The following PLIN4 variants were observed in gnomAD, a reference collection of about 807,000 sequenced individuals.
The protein encoded by PLIN4 is perilipin 4.
Under a neutral mutation model 52.4 loss-of-function variants are expected in PLIN4, and 57 were observed. The ratio of observed to expected loss-of-function variants is 1.09; its 90% CI spans 0.88 to 1.36. PLIN4 has a LOEUF of 1.36. Among genes scored for constraint, PLIN4 ranks in the 40% most tolerant of loss-of-function variants. The probability of loss-of-function intolerance (pLI) is 0.00; values close to 1 mark genes in which losing one functional copy is unlikely to be tolerated. For missense variants in PLIN4, 1,757 were observed against 1,770.3 expected, an observed-to-expected ratio of 0.99 and a Z score of 0.13; for synonymous variants, 826 against 785.4, an observed-to-expected ratio of 1.05 and a Z score of -0.86.
rs1398134037 is a variant in PLIN4 at position 4,502,932 on chromosome 19, G to A, written c.*1527C>T. The A allele has an allele frequency of 2.6e-5, 4 of 152,346 alleles. No homozygotes were observed. Among genetic ancestry groups the A allele is most frequent in the Non-Finnish European group, 5.9e-5 (4 of 68,164 alleles). 9.4% of individuals were successfully genotyped at this position (152,346 alleles called of 1,614,324 possible). A position where few individuals can be genotyped will look rare whatever the true frequency, so the allele number is the denominator to read the frequency against. On this transcript the variant is annotated 3_prime_UTR_variant, in exon 8 of 8. Transcript: ENST00000301286. Reference sequence around the variant, plus strand: ...TTCCTGAGCTGCGGCCCCATGCTTGGTTGGCTGGACGTGAGCTGCAGTCAC... The same window carrying A: ...TTCCTGAGCTGCGGCCCCATGCTTGATTGGCTGGACGTGAGCTGCAGTCAC...
intron 4 of PLIN4, among the ~76,000 whole-genome samples, chr19:4,514,397 A>G (rs1194194831): frequency 2.0e-5 from 3 of 152,190 alleles, no homozygotes; most frequent in African/African-American, 7.2e-5. Flanking sequence ...ATAGTGAGAT[A>G]TGATCGTACC....
At position 4,512,413 on chromosome 19, in the gene PLIN4, G is replaced by T; in HGVS notation, c.1547C>A (p.Thr516Asn). 1.2e-6 allele frequency: 2 copies of T among 1,609,036 alleles called. No homozygotes were observed. The highest frequency in any genetic ancestry group is 1.7e-6 in the Non-Finnish European group (2 of 1,177,886). ...GGTGGTGTCTACGCCGGTCTGGACGGTCCCTTTGGCCACGTTCACAGCCCC... is the reference window on the plus strand; with the variant it reads ...GGTGGTGTCTACGCCGGTCTGGACGTTCCCTTTGGCCACGTTCACAGCCCC... ...LTGAVNVAKGTVQTGVDTTKT... is the reference protein window; with the variant it reads ...LTGAVNVAKGNVQTGVDTTKT... The change falls in exon 5 of 8, where the codon ACC (threonine) becomes AAC (asparagine). Residue 516 changes from threonine to asparagine, a missense_variant. This residue lies in a region of PLIN4 where 439 missense variants were observed against 406.4 expected (regional missense o/e 1.08). Transcript: ENST00000301286.
intron 6 of PLIN4, among the ~76,000 whole-genome samples, chr19:4,507,400 C>T (rs958124701): frequency 3.9e-5 from 6 of 152,188 alleles, no homozygotes; most frequent in East Asian, 1.9e-4. Flanking sequence ...AGGGAGGCCC[C>T]ATCTCTACAA....
In PLIN4 at chr19:4,512,879, T is replaced by C. The variant is rs761273420; in HGVS notation, c.1081A>G (p.Thr361Ala). The change falls in exon 5 of 8, where the codon ACT becomes GCT. Residue 361 changes from threonine to alanine, a missense_variant. By Grantham distance (58) the Thr-to-Ala change is moderately conservative. Coordinates refer to ENST00000301286, the MANE Select transcript of PLIN4 (RefSeq NM_001367868.2). ...TIQTGVDTTK[T>A]VLTGTKNTVC... Reference sequence around the variant, plus strand: ...GTGTTCTTGGTGCCAGTTAGGACAGTCTTGGTGGTGTCCACGCCGGTCTGG... The same window carrying C: ...GTGTTCTTGGTGCCAGTTAGGACAGCCTTGGTGGTGTCCACGCCGGTCTGG... The C allele has an allele frequency of 7.6e-6, 12 of 1,570,478 alleles. 1 individual carries two copies. The highest frequency in any genetic ancestry group is 1.0e-5 in the Non-Finnish European group (12 of 1,170,598).
chr19:4,504,438 C>G lies in PLIN4; in HGVS notation c.*21G>C, dbSNP rs528348944. ...TGGACAGAGCAGGGCGACCCCGCGCCGGGCCTGCAGGCTCCTACAGCTACT... is the reference window on the plus strand; with the variant it reads ...TGGACAGAGCAGGGCGACCCCGCGCGGGGCCTGCAGGCTCCTACAGCTACT... On this transcript the variant is annotated 3_prime_UTR_variant, in exon 8 of 8. Transcript: ENST00000301286. 2.0e-6 allele frequency: 3 copies of G among 1,523,582 alleles called. No individual in the cohort carries two copies. The highest frequency in any genetic ancestry group is 1.9e-5 in the Admixed American group (1 of 51,294). 94.4% of individuals were successfully genotyped at this position (1,523,582 alleles called of 1,614,324 possible).
rs556973646 is a variant in PLIN4 at position 4,504,384 on chromosome 19, G to A, written c.*75C>T. 3.0e-5 allele frequency: 40 copies of A among 1,347,134 alleles called. No homozygotes were observed. The highest frequency in any genetic ancestry group is 1.2e-4 in the African/African-American group (8 of 68,300). 83.4% of individuals were successfully genotyped at this position (1,347,134 alleles called of 1,614,324 possible). On this transcript the variant is annotated 3_prime_UTR_variant, in exon 8 of 8. Coordinates refer to ENST00000301286, the MANE Select transcript of PLIN4 (RefSeq NM_001367868.2). Reference sequence around the variant, plus strand: ...AGGGAACCGATCCAGGTTTGGGGGCGGGGAGAAAGTTCTGAGGCAGCTCCT... The same window carrying A: ...AGGGAACCGATCCAGGTTTGGGGGCAGGGAGAAAGTTCTGAGGCAGCTCCT...
intron 6 of PLIN4, among the ~76,000 whole-genome samples, chr19:4,505,660 G>A (rs1976070425): frequency 6.6e-6 from 1 of 152,116 alleles, no homozygotes; most frequent in African/African-American, 2.4e-5. Context: ...CCTGTCCACA[G>A]GGCCCCATCT....
Position 4,512,020 on chromosome 19 carries a change from C to A in PLIN4, c.1940G>T (p.Gly647Val), listed in dbSNP as rs780093655. Reference sequence around the variant, plus strand: ...CGTTTTCAGCCCAGTTTGCACAGCCCCCTTGGCCACGTTCACGGCACTGGT... The same window carrying A: ...CGTTTTCAGCCCAGTTTGCACAGCCACCTTGGCCACGTTCACGGCACTGGT... ...GVTSAVNVAK[G>V]AVQTGLKTTQ... The change falls in exon 5 of 8, where the codon GGG (glycine) becomes GTG (valine). Residue 647 changes from glycine (G) to valine (V), a missense_variant. This residue lies in a region of PLIN4 where 439 missense variants were observed against 406.4 expected (regional missense o/e 1.08). Coordinates refer to ENST00000301286, the MANE Select transcript of PLIN4 (RefSeq NM_001367868.2). The A allele has an allele frequency of 1.2e-6, 2 of 1,613,008 alleles. No individual in the cohort carries two copies. The highest frequency in any genetic ancestry group is 1.7e-5 in the Admixed American group (1 of 59,948).
At position 4,504,113 on chromosome 19, in the gene PLIN4, C is replaced by T. The variant is rs1359217500; in HGVS notation, c.*346G>A. ...GTTGCTAGCGGGGCAAACAGATGCC[C>T]TTCCAGGCTGGGCACGCTGCTTTTT... On this transcript the variant is annotated 3_prime_UTR_variant, in exon 8 of 8. Transcript: ENST00000301286. 6 of 239,126 alleles carry T rather than the reference C, an allele frequency of 2.5e-5. No homozygotes were observed. The East Asian group carries it at 5.0e-4, about 20-fold the overall frequency. 14.8% of individuals were successfully genotyped at this position (239,126 alleles called of 1,614,324 possible).
At position 4,504,382 on chromosome 19, in the gene PLIN4, G is replaced by A; in HGVS notation, c.*77C>T. 2.2e-6 allele frequency: 3 copies of A among 1,340,656 alleles called. No individual in the cohort carries two copies. The highest frequency in any genetic ancestry group is 2.9e-5 in the African/African-American group (2 of 68,178). The allele number at this position is 1,340,656 out of a possible 1,614,324, so 83.0% of individuals were successfully genotyped here. A position where few individuals can be genotyped will look rare whatever the true frequency, so the allele number is the denominator to read the frequency against. Reference sequence around the variant, plus strand: ...TTAGGGAACCGATCCAGGTTTGGGGGCGGGGAGAAAGTTCTGAGGCAGCTC... The same window carrying A: ...TTAGGGAACCGATCCAGGTTTGGGGACGGGGAGAAAGTTCTGAGGCAGCTC... On this transcript the variant is annotated 3_prime_UTR_variant, in exon 8 of 8. Coordinates refer to ENST00000301286, the MANE Select transcript of PLIN4 (RefSeq NM_001367868.2).
At chr19:4,505,816 C>T (rs963719750) in intron 6 of PLIN4, among the ~76,000 whole-genome samples, 1 of 152,086 alleles carries the variant, frequency 6.6e-6, no homozygotes, top group Non-Finnish European at 1.5e-5. Context: ...CGGTGCCCAC[C>T]AGGCATCTCC....
intron 3 of PLIN4, among the ~76,000 whole-genome samples, 181 bp from the exon 4 acceptor site, chr19:4,516,859 G>A (rs540570533): frequency 1.3e-5 from 2 of 152,190 alleles, no homozygotes; most frequent in African/African-American, 2.4e-5. Flanking sequence ...CCCCAACCCC[G>A]CTGGGGGCTC....
Position 4,510,476 on chromosome 19 carries a change from T to C in PLIN4, c.3484A>G (p.Ile1162Val), listed in dbSNP as rs1354839370. ...TCCTCCGCATTCATGGGGTGGAAGA[T>C]GTCCCCCAGCCCCTCCAACTCATTC... Reference protein sequence around the residue: ...LQNELEGLGDIFHPMNAEEQA... With the variant: ...LQNELEGLGDVFHPMNAEEQA... The change falls in exon 5 of 8, where the codon ATC becomes GTC. Residue 1162 changes from isoleucine (I) to valine (V), a missense_variant. Coordinates refer to ENST00000301286, the MANE Select transcript of PLIN4 (RefSeq NM_001367868.2). 13 of 1,438,108 alleles carry C rather than the reference T, an allele frequency of 9.0e-6. No individual in the cohort carries two copies. The highest frequency in any genetic ancestry group is 1.8e-5 in the South Asian group (1 of 56,626). The allele number at this position is 1,438,108 out of a possible 1,614,324, so 89.1% of individuals were successfully genotyped here.
chr19:4,512,198 C>A lies in PLIN4; in HGVS notation c.1762G>T (p.Asp588Tyr). The stretch of plus-strand genomic sequence containing the variant: ...CCGGTCAGCACGGTCTTGGCTGTGT[C>A]TACACCTGTCTGGACAGCCCCCTTG... ...VAKGAVQTGV[D>Y]TAKTVLTGTK... The change falls in exon 5 of 8, where the codon GAC becomes TAC. Residue 588 changes from aspartate (D) to tyrosine (Y), a missense_variant. Physicochemically the swap from Asp to Tyr is radical, Grantham distance 160. Coordinates refer to ENST00000301286, the MANE Select transcript of PLIN4 (RefSeq NM_001367868.2). 1 of 1,612,518 alleles carries A rather than the reference C, an allele frequency of 6.2e-7. No individual in the cohort carries two copies. The highest frequency in any genetic ancestry group is 8.5e-7 in the Non-Finnish European group (1 of 1,179,684).
intron 4 of PLIN4, among the ~76,000 whole-genome samples, chr19:4,514,516 G>A (rs1280257114): frequency 1.3e-5 from 2 of 150,666 alleles, no homozygotes; most frequent in African/African-American, 4.9e-5. Context: ...ACGAGGTCAG[G>A]AGATCGAGAC....
At position 4,512,850 on chromosome 19, in the gene PLIN4, G is replaced by C. The variant is rs1298746894; in HGVS notation, c.1110C>G (p.Val370=). 1 of 1,562,856 alleles carries C rather than the reference G, an allele frequency of 6.4e-7. No homozygotes were observed. Among genetic ancestry groups the C allele is most frequent in the Admixed American group, 1.7e-5 (1 of 58,720 alleles). Residue 370 remains valine, a synonymous_variant, in exon 5 of 8, where the codon GTC becomes GTG. Transcript: ENST00000301286. ...TCACGGCACCGGTCACCCCACTGCA[G>C]ACAGTGTTCTTGGTGCCAGTTAGGA... The part of the protein sequence containing the change: ...KTVLTGTKNT[V]CSGVTGAVNL...
At position 4,510,615 on chromosome 19, in the gene PLIN4, G is replaced by A. The variant is rs747685349; in HGVS notation, c.3345C>T (p.Gly1115=). 11 of 1,508,424 alleles carry A rather than the reference G, an allele frequency of 7.3e-6. No homozygotes were observed. Among genetic ancestry groups the A allele is most frequent in the Non-Finnish European group, 9.7e-6 (11 of 1,129,172 alleles). 93.4% of individuals were successfully genotyped at this position (1,508,424 alleles called of 1,614,324 possible). The change falls in exon 5 of 8, where the codon GGC becomes GGT. Residue 1115 remains glycine, a synonymous_variant. Transcript: ENST00000301286. ...PAWEAAATTK[G]LATDVATFTQ... ...TGAACGTCGCCACGTCAGTCGCAAG[G>A]CCCTTGGTAGTGGCTGCGGCTTCCC...
intron 6 of PLIN4, among the ~76,000 whole-genome samples, chr19:4,506,540 A>G (rs1213938416): frequency 1.3e-5 from 2 of 150,834 alleles, no homozygotes; most frequent in Non-Finnish European, 3.0e-5. Context: ...CCACCCCCCA[A>G]GGGCAGGCCT....
chr19:4,518,478 C>T lies in PLIN4; in HGVS notation c.-111G>A. The T allele has an allele frequency of 1.6e-6, 2 of 1,214,962 alleles. No homozygotes were observed. Among genetic ancestry groups the T allele is most frequent in the Non-Finnish European group, 1.0e-6 (1 of 977,692 alleles). 75.3% of individuals were successfully genotyped at this position (1,214,962 alleles called of 1,614,324 possible). On this transcript the variant is annotated 5_prime_UTR_variant, in exon 1 of 8. Transcript: ENST00000301286. ...TCCCCTGGAGGACGGACCGGCCCGG[C>T]TGGCAGCTGGCTCTACCCTCAGCTC...
Sources: gnomAD v4.1 joint callset for allele counts (sites outside exome capture counted in the v4.1 genomes callset) on GRCh38, gnomAD v4.1.1 for gene constraint, gnomAD v4.1.1 regional missense constraint, MANE v1.5 for transcripts, NCBI Gene and HGNC (gene_info 2026-07-23, HGNC 2026-07-21) for gene names.